Variants in PIEZO2 observed in about 807,000 individuals in gnomAD.
PIEZO2 encodes piezo-type mechanosensitive ion channel component 2.
Under a neutral mutation model 337.3 loss-of-function variants are expected in PIEZO2, and 172 were observed. The ratio of observed to expected loss-of-function variants is 0.51; its 90% CI spans 0.45 to 0.58. The LOEUF (loss-of-function observed/expected upper bound fraction) is 0.58, where lower values mean the gene tolerates loss of function less well. Among genes scored for constraint, PIEZO2 ranks in the 20% least tolerant of loss-of-function variants. PIEZO2 has a pLI of 0.00. For synonymous variants in PIEZO2, 1,251 were observed against 1,228.5 expected, an observed-to-expected ratio of 1.02 and a Z score of -0.38; for missense variants, 3,028 against 3,391.3, an observed-to-expected ratio of 0.89 and a Z score of 2.66.
chr18:10,913,813 A>G (rs1470784276), intron 3 of PIEZO2, among the ~76,000 whole-genome samples: 3 of 152,058 alleles, frequency 2.0e-5, no homozygotes, highest in Admixed American at 6.5e-5. Flanking sequence ...ACTTCTTTCT[A>G]TTCACCAGAA....
intron 7 of PIEZO2, among the ~76,000 whole-genome samples, chr18:10,825,183 C>T (rs533462064): frequency 1.4e-4 from 21 of 152,244 alleles, no homozygotes; most frequent in African/African-American, 4.8e-4. Context: ...CCTTTATCCA[C>T]ACTAGAATCC....
chr18:10,827,346 A>T (rs1447323155), intron 7 of PIEZO2, among the ~76,000 whole-genome samples: 1 of 152,146 alleles, frequency 6.6e-6, no homozygotes, highest in Non-Finnish European at 1.5e-5. Context: ...TATATTCCTC[A>T]GTTTTCATTT....
intron 1 of PIEZO2, among the ~76,000 whole-genome samples, chr18:11,086,210 G>A (rs879076097): frequency 2.6e-5 from 4 of 152,068 alleles, no homozygotes; most frequent in Admixed American, 6.6e-5. Flanking sequence ...CTAATGATAC[G>A]AAAATTCGAC....
At chr18:11,036,515 T>G (rs893274452) in intron 2 of PIEZO2, among the ~76,000 whole-genome samples, 8 of 152,066 alleles carry the variant, frequency 5.3e-5, no homozygotes, top group Non-Finnish European at 8.8e-5. Context: ...TGTGTTATGC[T>G]GCATATATTT....
rs1247297971 is a variant in PIEZO2, at chr18:11,016,207, C to T, written c.161-36547G>A. ...AAATGAGCCCTTTGACATTCACTCT[C>T]TTTGAAACTGTCATCCCACAGGGAA... is the stretch of plus-strand genomic sequence containing the variant. On this transcript the variant is annotated intron_variant, in intron 2 of 55. Coordinates refer to ENST00000674853, the MANE Select transcript of PIEZO2 (RefSeq NM_001378183.1). This position sits in a 1 kb window ranked among gnomAD's most constrained non-coding sequence, Gnocchi z 5.6. 6.6e-6 allele frequency among the ~76,000 whole-genome samples: 1 copy of T among 152,172 alleles called. No individual in the cohort carries two copies.
In PIEZO2 at chr18:10,824,460, A is replaced by C. The variant is rs2040609877; in HGVS notation, c.918-17186T>G. On this transcript the variant is annotated intron_variant, in intron 7 of 55. Transcript: ENST00000674853. This position sits in a 1 kb window ranked among gnomAD's most constrained non-coding sequence, Gnocchi z 4.4. ...GTTTATTTAAGGATATTTGTTGGCT[A>C]TGAACAGTAATAGTGCAAAGCTAAT... Among the ~76,000 whole-genome samples, 1 of 152,234 alleles carries C rather than the reference A, an allele frequency of 6.6e-6. No homozygotes were observed. Among genetic ancestry groups the C allele is most frequent in the African/African-American group, 2.4e-5 (1 of 41,470 alleles).
chr18:10,797,253 T>C, intron 12 of PIEZO2, 121 bp downstream of exon 12: 1 of 798,412 alleles, frequency 1.3e-6, no homozygotes, highest in East Asian at 2.7e-5. Context: ...ATATCATACA[T>C]ACCATCATAT....
intron 46 of PIEZO2, 50 bp downstream of exon 46, chr18:10,696,342 C>T (rs376222980): frequency 9.9e-6 from 16 of 1,613,556 alleles, no homozygotes; most frequent in Admixed American, 5.0e-5. Flanking sequence ...TGGCAGGAAG[C>T]GCCATCGCCA....
At chr18:11,120,184 C>T (rs1287160906) in intron 1 of PIEZO2, among the ~76,000 whole-genome samples, 2 of 152,192 alleles carry the variant, frequency 1.3e-5, no homozygotes, top group Non-Finnish European at 2.9e-5. Context: ...TTATGTAATA[C>T]TTGGTTAATA....
In PIEZO2 at chr18:10,962,996, G is replaced by T. The variant is rs144279386; in HGVS notation, c.286+16539C>A. Among the ~76,000 whole-genome samples the T allele has an allele frequency of 6.6e-6, 1 of 152,092 alleles. No homozygotes were observed. Among genetic ancestry groups the T allele is most frequent in the African/African-American group, 2.4e-5 (1 of 41,410 alleles). ...TCATTCCTCCTGTCAAAATTAAATA[G>T]AAATATCTGGCCTGGTATGGTGGTT... On this transcript the variant is annotated intron_variant, in intron 3 of 55. Transcript: ENST00000674853. The surrounding 1 kb of genome is among the most constrained non-coding windows in gnomAD (Gnocchi z 4.1).
rs989587180 is a variant in PIEZO2, at chr18:10,815,711, A to G, written c.918-8437T>C. On this transcript the variant is annotated intron_variant, in intron 7 of 55. Transcript: ENST00000674853. The surrounding 1 kb of genome is among the most constrained non-coding windows in gnomAD (Gnocchi z 4.1). ...TTTGGGAGTGCTCTCACTCAGGAAC[A>G]AGAGAAGAAGGAGAACAGTCTTCTG... Among the ~76,000 whole-genome samples the G allele has an allele frequency of 6.6e-6, 1 of 152,238 alleles. No homozygotes were observed. Among genetic ancestry groups the G allele is most frequent in the Non-Finnish European group, 1.5e-5 (1 of 68,042 alleles).
intron 53 of PIEZO2, 58 bp from the exon 54 acceptor site, chr18:10,675,346 T>C (rs983510778): frequency 6.2e-6 from 7 of 1,125,696 alleles, no homozygotes; most frequent in Admixed American, 2.8e-5. Context: ...CCACCTAAAA[T>C]TGATTTTTTG....
intron 2 of PIEZO2, among the ~76,000 whole-genome samples, chr18:11,065,233 A>G (rs1489438315): frequency 2.0e-5 from 3 of 152,220 alleles, no homozygotes; most frequent in Non-Finnish European, 4.4e-5. Context: ...TTTTCTAAAG[A>G]GTTGATCACT....
chr18:10,909,434 A>G (rs939090325), intron 4 of PIEZO2, among the ~76,000 whole-genome samples: 7 of 152,184 alleles, frequency 4.6e-5, no homozygotes, highest in African/African-American at 1.7e-4. Flanking sequence ...TGCAACCAAT[A>G]CAAATGACAT....
At chr18:11,017,519 C>G (rs1397754603) in intron 2 of PIEZO2, among the ~76,000 whole-genome samples, 4 of 140,728 alleles carry the variant, frequency 2.8e-5, no homozygotes, top group Non-Finnish European at 4.5e-5. Flanking sequence ...AATATAATTT[C>G]TAACATAATA....
chr18:10,913,767 G>A (rs1477062866), intron 3 of PIEZO2, among the ~76,000 whole-genome samples: 1 of 151,970 alleles, frequency 6.6e-6, no homozygotes, highest in Non-Finnish European at 1.5e-5. Flanking sequence ...ATAAACATTA[G>A]GCCACTCAAC....
At chr18:11,050,716 C>G (rs969382326) in intron 2 of PIEZO2, among the ~76,000 whole-genome samples, 1 of 151,764 alleles carries the variant, frequency 6.6e-6, no homozygotes, top group Non-Finnish European at 1.5e-5. Context: ...CAATTGTCAC[C>G]AAAGCACAGT....
intron 3 of PIEZO2, among the ~76,000 whole-genome samples, chr18:10,964,173 G>GATTAATTAATTAATTAATTAATTACATTA (rs370803822): frequency 1.3e-5 from 2 of 152,042 alleles, no homozygotes; most frequent in East Asian, 3.9e-4. Flanking sequence ...TAATTAAAGT[G>GATTAATTAATTAATTAATTAATTACATTA]ATTAATTAAT....
In PIEZO2 at chr18:11,116,267, A is replaced by C. The variant is rs1429170899; in HGVS notation, c.64+32258T>G. On this transcript the variant is annotated intron_variant, in intron 1 of 55. Coordinates refer to ENST00000674853, the MANE Select transcript of PIEZO2 (RefSeq NM_001378183.1). The surrounding 1 kb of genome is among the most constrained non-coding windows in gnomAD (Gnocchi z 5.0). Reference sequence around the variant, plus strand: ...CTGGTCTTTGATTTTGGAAATGTCTAGGAGTTTGGGGATCCCAGGAAGGGC... The same window carrying C: ...CTGGTCTTTGATTTTGGAAATGTCTCGGAGTTTGGGGATCCCAGGAAGGGC... Among the ~76,000 whole-genome samples, 2 of 152,176 alleles carry C rather than the reference A, an allele frequency of 1.3e-5. No individual in the cohort carries two copies. Among genetic ancestry groups the C allele is most frequent in the African/African-American group, 2.4e-5 (1 of 41,444 alleles).
Sources: allele counts gnomAD v4.1 joint callset (sites outside exome capture counted in the v4.1 genomes callset), GRCh38; gene constraint gnomAD v4.1.1; non-coding constraint Gnocchi (gnomAD v3.1); transcripts MANE v1.5; gene names NCBI Gene and HGNC (gene_info 2026-07-23, HGNC 2026-07-21).